The following AOPEP variants were observed in gnomAD, a reference collection of about 807,000 sequenced individuals.
The protein encoded by AOPEP is aminopeptidase O.
A neutral mutation model predicts 98.1 loss-of-function variants in AOPEP; 77 were observed. The ratio of observed to expected loss-of-function variants is 0.78; its 90% CI spans 0.65 to 0.95. AOPEP has a LOEUF of 0.95. Ranked by LOEUF, AOPEP falls within the 40% of genes least tolerant of loss-of-function variation. The pLI, the probability that AOPEP is intolerant of heterozygous loss-of-function variation, is 0.00. For missense variants in AOPEP, 1,024 were observed against 1,024.7 expected, an observed-to-expected ratio of 1.00 and a Z score of 0.01; for synonymous variants, 346 against 365.3, an observed-to-expected ratio of 0.95 and a Z score of 0.60.
At chr9:94,960,502 A>T (rs1386108808) in intron 9 of AOPEP, among the ~76,000 whole-genome samples, 2 of 151,828 alleles carry the variant, frequency 1.3e-5, no homozygotes, top group Admixed American at 6.6e-5. Context: ...TTATTTTTAT[A>T]TATTAAGATT....
At chr9:94,764,593 A>G (rs1839135306) in intron 2 of AOPEP, among the ~76,000 whole-genome samples, 1 of 152,220 alleles carries the variant, frequency 6.6e-6, no homozygotes, top group South Asian at 2.1e-4. Flanking sequence ...GGCTGCAGTC[A>G]GTTGTCTTTG....
chr9:94,927,231 A>G (rs1054345333), intron 6 of AOPEP, among the ~76,000 whole-genome samples: 2 of 152,152 alleles, frequency 1.3e-5, no homozygotes, highest in South Asian at 2.1e-4. Context: ...GCCCTGTAGG[A>G]TTAGGGCCCC....
At chr9:94,731,760 G>T in intron 1 of AOPEP, among the ~76,000 whole-genome samples, 1 of 130,418 alleles carries the variant, frequency 7.7e-6, no homozygotes, top group African/African-American at 2.9e-5. Context: ...TTTTCCCCCT[G>T]CCTTTTTTCC....
At chr9:94,942,078 T>A (rs2057070987) in intron 7 of AOPEP, among the ~76,000 whole-genome samples, 1 of 152,246 alleles carries the variant, frequency 6.6e-6, no homozygotes, top group African/African-American at 2.4e-5. Flanking sequence ...CACTGATTCA[T>A]TATAATGCTA....
intron 3 of AOPEP, among the ~76,000 whole-genome samples, chr9:94,778,443 C>CAAAAAA (rs34475660): frequency 7.2e-6 from 1 of 137,992 alleles, no homozygotes; most frequent in African/African-American, 2.6e-5. Flanking sequence ...ACTGATAAAT[C>CAAAAAA]AAAAAAAAAA....
intron 11 of AOPEP, among the ~76,000 whole-genome samples, chr9:94,993,280 C>A (rs148041291): frequency 6.6e-6 from 1 of 152,056 alleles, no homozygotes; most frequent in African/African-American, 2.4e-5. Context: ...AATATTTATG[C>A]CCGTTGCCTA....
intron 2 of AOPEP, among the ~76,000 whole-genome samples, chr9:94,762,052 A>G (rs964817358): frequency 3.9e-5 from 6 of 152,230 alleles, no homozygotes; most frequent in African/African-American, 1.4e-4. Context: ...CTCAAACATG[A>G]CTTTCTCCTG....
intron 14 of AOPEP, among the ~76,000 whole-genome samples, chr9:95,064,227 C>T (rs2067628975): frequency 6.6e-6 from 1 of 152,198 alleles, no homozygotes; most frequent in Admixed American, 6.5e-5. Context: ...AGGCCTGTCC[C>T]GTAGCACGGG....
At chr9:94,803,149 A>G (rs770455198) in intron 5 of AOPEP, among the ~76,000 whole-genome samples, 8 of 152,316 alleles carry the variant, frequency 5.3e-5, no homozygotes, top group South Asian at 2.1e-4. Flanking sequence ...GTCATCCAAA[A>G]AGACCTCCAT....
intron 3 of AOPEP, 76 bp from the exon 4 acceptor site, chr9:94,792,689 C>A: frequency 7.5e-7 from 1 of 1,330,866 alleles, no homozygotes; most frequent in Non-Finnish European, 1.0e-6. Flanking sequence ...TCTTCAAGTG[C>A]CTCGAGAAGA....
intron 5 of AOPEP, among the ~76,000 whole-genome samples, chr9:94,841,520 T>G (rs1008311184): frequency 1.3e-5 from 2 of 152,206 alleles, no homozygotes; most frequent in Admixed American, 6.5e-5. Context: ...TTCACTTTGA[T>G]GCCTTCTAAT....
chr9:94,783,555 G>A (rs977526403), intron 3 of AOPEP, among the ~76,000 whole-genome samples: 3 of 151,956 alleles, frequency 2.0e-5, no homozygotes, highest in African/African-American at 2.4e-5. Flanking sequence ...CGCGGCATCT[G>A]CAAAGTCCTG....
chr9:95,093,629 T>C, the AOPEP span, among the ~76,000 whole-genome samples: 1 of 152,206 alleles, frequency 6.6e-6, no homozygotes, highest in East Asian at 1.9e-4. Context: ...TCAGCTAGTC[T>C]CTTCCCCAAA....
chr9:95,135,497 T>A, the AOPEP span: 5 of 1,613,826 alleles, frequency 3.1e-6, no homozygotes, highest in Non-Finnish European at 4.2e-6. Flanking sequence ...GAGAGAAATC[T>A]TCTTCCTTTC....
Position 95,006,037 on chromosome 9 carries a change from G to A in AOPEP, c.2115+421G>A, listed in dbSNP as rs533827289. ...AGTCATCTAAGAAATAGAGAGAGAAGAAGAAAGAAGTGGATTACTTTTAAA... is the reference window on the plus strand; with the variant it reads ...AGTCATCTAAGAAATAGAGAGAGAAAAAGAAAGAAGTGGATTACTTTTAAA... On this transcript the variant is annotated intron_variant, in intron 13 of 16. Transcript: ENST00000375315. 7 of 474,152 alleles carry A rather than the reference G, an allele frequency of 1.5e-5. No homozygotes were observed. In the East Asian group the frequency reaches 2.1e-4, roughly 14 times the overall value. 29.4% of individuals were successfully genotyped at this position (474,152 alleles called of 1,614,324 possible). A position where few individuals can be genotyped will look rare whatever the true frequency, so the allele number is the denominator to read the frequency against.
intron 1 of AOPEP, among the ~76,000 whole-genome samples, chr9:94,746,034 G>A (rs56012343): frequency 1.2e-4 from 19 of 152,114 alleles, no homozygotes; most frequent in Non-Finnish European, 2.1e-4. Context: ...GCTTGCGTTC[G>A]TTATTGCCTC....
the AOPEP span, among the ~76,000 whole-genome samples, chr9:95,098,867 C>T: frequency 1.8e-4 from 28 of 152,196 alleles, no homozygotes; most frequent in Non-Finnish European, 5.9e-5. Flanking sequence ...CTCCTGCTTC[C>T]TCCTTGGTGA....
chr9:95,104,591 C>T, the AOPEP span, among the ~76,000 whole-genome samples: 4 of 152,146 alleles, frequency 2.6e-5, no homozygotes, highest in Non-Finnish European at 5.9e-5. Flanking sequence ...GTCTTGAGGG[C>T]GATCTGCTTT....
the AOPEP span, among the ~76,000 whole-genome samples, chr9:95,124,136 A>G: frequency 0.019 from 2,879 of 149,730 alleles, 121 homozygotes; most frequent in African/African-American, 0.068. Context: ...AAAAGTAGAA[A>G]TATCGGCTAA....
Sources: gnomAD v4.1 joint callset for allele counts (sites outside exome capture counted in the v4.1 genomes callset) on GRCh38, gnomAD v4.1.1 for gene constraint, MANE v1.5 for transcripts, NCBI Gene and HGNC (gene_info 2026-07-23, HGNC 2026-07-21) for gene names.